TNN: variants seen among roughly 807,000 people sequenced by gnomAD.
TNN encodes tenascin N.
Under a neutral mutation model 134.4 loss-of-function variants are expected in TNN, and 122 were observed. The observed-to-expected ratio is 0.91, with a 90% CI of 0.78 to 1.06. TNN has a LOEUF of 1.06. TNN is among the 50% of genes least tolerant of loss of function. The pLI, the probability that TNN is intolerant of heterozygous loss-of-function variation, is 0.00. For synonymous variants in TNN, 710 were observed against 670.3 expected (o/e 1.06, Z -0.91); for missense variants, 1,739 against 1,699.4 (o/e 1.02, Z -0.41).
At position 175,123,526 on chromosome 1, in the gene TNN, C is replaced by A; in HGVS notation, c.2777C>A (p.Thr926Asn). The A allele has an allele frequency of 6.2e-7, 1 of 1,614,028 alleles. No homozygotes were observed. The highest frequency in any genetic ancestry group is 8.5e-7 in the Non-Finnish European group (1 of 1,179,932). The change falls in exon 12 of 19, where the codon ACC becomes AAC. Residue 926 changes from threonine to asparagine, a missense_variant. Thr to Asn is a moderately conservative substitution (Grantham distance 65). Coordinates refer to ENST00000239462, the MANE Select transcript of TNN (RefSeq NM_022093.2). The stretch of plus-strand genomic sequence containing the variant: ...CGCTACACCTCTGCTGACGGAGAGA[C>A]CAGGGAGGTTCCGGTGGGGAAGGAG... ...MVRYTSADGE[T>N]REVPVGKEHS...
chr1:175,127,916 A>G (rs1675571943), intron 13 of TNN, 116 bp from the exon 14 acceptor site: 5 of 1,296,690 alleles, frequency 3.9e-6, no homozygotes, highest in Non-Finnish European at 5.5e-6. Context: ...GAGAGACAAA[A>G]CACTGTGCTC....
chr1:175,097,802 A>C, intron 8 of TNN, 119 bp downstream of exon 8: 1 of 1,375,340 alleles, frequency 7.3e-7, no homozygotes, highest in Non-Finnish European at 9.8e-7. Flanking sequence ...TTAAAGATGA[A>C]AGAAAGACTG....
At chr1:175,125,703 CTCTTTCTTTCTTTCT>C (rs1675497012) in intron 12 of TNN, among the ~76,000 whole-genome samples, 1 of 66,390 alleles carries the variant, frequency 1.5e-5, no homozygotes. Flanking sequence ...TCTTTTTTCT[CTCTTTCTTTCTTTCT>C]TTCTTTCTTT....
chr1:175,088,437 C>A (rs6425319), intron 6 of TNN, among the ~76,000 whole-genome samples: 83,349 of 152,040 alleles, frequency 0.55, 23,445 homozygotes, highest in African/African-American at 0.69. Context: ...CACACCTCCC[C>A]TCCTTCTTGC....
rs774704557 is a variant in TNN at position 175,079,668 on chromosome 1, T to C, written c.745T>C (p.Tyr249His). 9 of 1,608,962 alleles carry C rather than the reference T, an allele frequency of 5.6e-6. No homozygotes were observed. In the African/African-American group the frequency reaches 1.2e-4, roughly 21 times the overall value. Residue 249 changes from tyrosine to histidine, a missense_variant, in exon 3 of 19, where the codon TAC becomes CAC. Coordinates refer to ENST00000239462, the MANE Select transcript of TNN (RefSeq NM_022093.2). Reference protein sequence around the residue: ...GHGFCDTGECYCEEGFTGLDC... With the variant: ...GHGFCDTGECHCEEGFTGLDC... ...CGGCTTCTGTGACACGGGCGAGTGCTACTGCGAGGAGGGCTTCACAGGCCT... is the reference window on the plus strand; with the variant it reads ...CGGCTTCTGTGACACGGGCGAGTGCCACTGCGAGGAGGGCTTCACAGGCCT...
chr1:175,137,429 CAG>C (rs1204455937), intron 17 of TNN, among the ~76,000 whole-genome samples: 1 of 148,728 alleles, frequency 6.7e-6, no homozygotes, highest in Admixed American at 6.8e-5. Context: ...GCTATAAAAA[CAG>C]AATAAGGAAA....
intron 1 of TNN, among the ~76,000 whole-genome samples, chr1:175,072,354 A>C (rs973412565): frequency 6.6e-6 from 1 of 152,202 alleles, no homozygotes; most frequent in African/African-American, 2.4e-5. Context: ...TGGTTCCTGC[A>C]TACACATTTC....
rs1465031523 is a variant in TNN, at chr1:175,117,004, G to A, written c.2185G>A (p.Asp729Asn). The change falls in exon 10 of 19, where the codon GAC becomes AAC. Residue 729 changes from aspartate (D) to asparagine (N), a missense_variant. Transcript: ENST00000239462. ...VTENMATVSW[D>N]PVRATIDRYV... Reference sequence around the variant, plus strand: ...AGAGAATATGGCCACTGTCTCCTGGGACCCGGTGCGGGCCACCATTGACAG... The same window carrying A: ...AGAGAATATGGCCACTGTCTCCTGGAACCCGGTGCGGGCCACCATTGACAG... 1.9e-6 allele frequency: 3 copies of A among 1,614,214 alleles called. No homozygotes were observed. Among genetic ancestry groups the A allele is most frequent in the South Asian group, 2.2e-5 (2 of 91,078 alleles).
chr1:175,124,234 C>T (rs1383418189), intron 12 of TNN, among the ~76,000 whole-genome samples: 4 of 152,218 alleles, frequency 2.6e-5, no homozygotes, highest in African/African-American at 7.2e-5. Flanking sequence ...CATGGCTGAG[C>T]GCACCAAGTG....
intron 6 of TNN, among the ~76,000 whole-genome samples, chr1:175,088,354 G>C (rs941723368): frequency 2.6e-5 from 4 of 152,048 alleles, no homozygotes; most frequent in Non-Finnish European, 5.9e-5. Context: ...AGATTCCAAG[G>C]GTTTTAGGAG....
intron 7 of TNN, among the ~76,000 whole-genome samples, chr1:175,096,559 A>G (rs925283132): frequency 6.6e-6 from 1 of 152,192 alleles, no homozygotes; most frequent in Non-Finnish European, 1.5e-5. Flanking sequence ...TTGAGGAGGT[A>G]GTTTCTAAAA....
chr1:175,069,011 G>A (rs1006697186), intron 1 of TNN, among the ~76,000 whole-genome samples: 3 of 152,130 alleles, frequency 2.0e-5, no homozygotes, highest in Non-Finnish European at 4.4e-5. Flanking sequence ...AGATCTGGGG[G>A]AAGGATGGAG....
chr1:175,078,533 A>G (rs559712832), intron 2 of TNN, among the ~76,000 whole-genome samples: 1 of 152,328 alleles, frequency 6.6e-6, no homozygotes, highest in Admixed American at 6.5e-5. Flanking sequence ...GCCTGAAGGA[A>G]TTGCTATGGT....
chr1:175,145,233 C>A (rs893917985), intron 18 of TNN, among the ~76,000 whole-genome samples: 3 of 152,008 alleles, frequency 2.0e-5, no homozygotes, highest in African/African-American at 7.2e-5. Flanking sequence ...TGCCTACTTT[C>A]TAGTTGTTCT....
intron 1 of TNN, among the ~76,000 whole-genome samples, chr1:175,069,367 C>A (rs991025189): frequency 9.2e-5 from 14 of 152,196 alleles, no homozygotes. Flanking sequence ...AAGAAGGCAC[C>A]TGGCATTCTT....
Position 175,098,600 on chromosome 1 carries a change from G to C in TNN, c.2119+5G>C. ...CCGACACCAAGGCCCAGACAGGTAA[G>C]GAGTGTGCATTATTGCTGTGCCGAT... On this transcript the variant is annotated splice_donor_5th_base_variant and intron_variant, in intron 9 of 18. Transcript: ENST00000239462. 3 of 1,614,016 alleles carry C rather than the reference G, an allele frequency of 1.9e-6. No homozygotes were observed. The highest frequency in any genetic ancestry group is 2.5e-6 in the Non-Finnish European group (3 of 1,179,942).
At chr1:175,123,027 G>A (rs1675416571) in intron 11 of TNN, among the ~76,000 whole-genome samples, 1 of 152,180 alleles carries the variant, frequency 6.6e-6, no homozygotes, top group African/African-American at 2.4e-5. Flanking sequence ...AAGGTTGGAG[G>A]ATATGACTTC....
chr1:175,090,638 A>C (rs1674423616), intron 6 of TNN, among the ~76,000 whole-genome samples: 1 of 152,200 alleles, frequency 6.6e-6, no homozygotes, highest in South Asian at 2.1e-4. Flanking sequence ...GTGAAGACAG[A>C]TGTTCCCTAC....
At chr1:175,104,613 C>A (rs1674805308) in intron 9 of TNN, among the ~76,000 whole-genome samples, 1 of 145,608 alleles carries the variant, frequency 6.9e-6, no homozygotes, top group Non-Finnish European at 1.5e-5. Flanking sequence ...TTTCTCTGAT[C>A]TCGCTTTTCC....
Sources: gnomAD v4.1 joint callset for allele counts (sites outside exome capture counted in the v4.1 genomes callset) on GRCh38, gnomAD v4.1.1 for gene constraint, MANE v1.5 for transcripts, NCBI Gene and HGNC (gene_info 2026-07-23, HGNC 2026-07-21) for gene names.